ARHGAP42: variants seen among roughly 807,000 people sequenced by gnomAD.
ARHGAP42 encodes Rho GTPase activating protein 42, also known as rho GTPase-activating protein 42.
In ARHGAP42, 63 loss-of-function variants were observed where a neutral mutation model predicts 125.0. The ratio of observed to expected loss-of-function variants is 0.50; its 90% CI spans 0.41 to 0.62. The LOEUF (loss-of-function observed/expected upper bound fraction) is 0.62. Among genes scored for constraint, ARHGAP42 ranks in the 20% least tolerant of loss-of-function variants. The probability of loss-of-function intolerance (pLI) is 0.00; values close to 1 mark genes in which losing one functional copy is unlikely to be tolerated. For synonymous variants in ARHGAP42, 339 were observed against 351.0 expected, an observed-to-expected ratio of 0.97 and a Z score of 0.38; for missense variants, 766 against 1,024.2, an observed-to-expected ratio of 0.75 and a Z score of 3.44.
At position 100,726,865 on chromosome 11, in the gene ARHGAP42, A is replaced by G. The variant is rs901750798; in HGVS notation, c.154+39033A>G. On this transcript the variant is annotated intron_variant, in intron 1 of 23. Transcript: ENST00000298815. ...TTCTTTTTGCAATTACATCCATAGC[A>G]GTGGGGCTTCATTTGGCATTCATCT... Among the ~76,000 whole-genome samples the G allele has an allele frequency of 1.9e-4, 29 of 152,200 alleles. 2 individuals are homozygous for G. Among genetic ancestry groups the G allele is most frequent in the African/African-American group, 6.8e-4 (28 of 41,448 alleles).
intron 10 of ARHGAP42, among the ~76,000 whole-genome samples, chr11:100,946,073 A>G (rs973291976): frequency 5.3e-5 from 8 of 151,830 alleles, no homozygotes; most frequent in Non-Finnish European, 1.0e-4. Flanking sequence ...TTCTACATCA[A>G]CTCTTACTGC....
chr11:100,780,494 A>C (rs1038365922), intron 2 of ARHGAP42, among the ~76,000 whole-genome samples: 2 of 152,256 alleles, frequency 1.3e-5, no homozygotes, highest in African/African-American at 4.8e-5. Flanking sequence ...GGATATGGGC[A>C]GAACAGTGAT....
chr11:100,845,393 A>G (rs2135119038), intron 3 of ARHGAP42, among the ~76,000 whole-genome samples: 1 of 152,216 alleles, frequency 6.6e-6, no homozygotes, highest in South Asian at 2.1e-4. Context: ...TACAAACTGG[A>G]TACAGTGTAT....
chr11:100,937,374 G>A (rs1218508741), intron 8 of ARHGAP42, among the ~76,000 whole-genome samples: 2 of 152,020 alleles, frequency 1.3e-5, no homozygotes, highest in African/African-American at 4.8e-5. Context: ...CCCTTGGCTT[G>A]TCAGTAGGGT....
chr11:100,717,862 G>A (rs954499144), intron 1 of ARHGAP42, among the ~76,000 whole-genome samples: 18 of 148,956 alleles, frequency 1.2e-4, no homozygotes, highest in South Asian at 2.2e-4. Flanking sequence ...GGAGGCGGAG[G>A]TTGCAGTGAG....
chr11:100,788,955 T>G (rs973029169), intron 2 of ARHGAP42, among the ~76,000 whole-genome samples: 12 of 152,178 alleles, frequency 7.9e-5, no homozygotes, highest in African/African-American at 2.7e-4. Flanking sequence ...GTCCTTAGAT[T>G]ATTGCATGCT....
chr11:100,864,301 C>T (rs1190715218), intron 4 of ARHGAP42, among the ~76,000 whole-genome samples: 6 of 151,828 alleles, frequency 4.0e-5, no homozygotes, highest in African/African-American at 7.3e-5. Context: ...TCTCCTGCTT[C>T]AGCCTCCCAA....
At chr11:100,827,671 C>T (rs1864556864) in intron 3 of ARHGAP42, among the ~76,000 whole-genome samples, 2 of 152,174 alleles carry the variant, frequency 1.3e-5, no homozygotes, top group South Asian at 2.1e-4. Context: ...GAGGCACTGC[C>T]CACATTGGCA....
At chr11:100,864,269 C>T (rs1865516377) in intron 4 of ARHGAP42, among the ~76,000 whole-genome samples, 1 of 151,788 alleles carries the variant, frequency 6.6e-6, no homozygotes, top group African/African-American at 2.4e-5. Context: ...ACTGCAACCT[C>T]CACCTCCCGG....
intron 2 of ARHGAP42, among the ~76,000 whole-genome samples, chr11:100,783,173 C>T (rs886813076): frequency 7.2e-5 from 11 of 152,186 alleles, no homozygotes; most frequent in Admixed American, 2.6e-4. Context: ...TGGTGGCTCA[C>T]GCCTGTAATC....
chr11:100,725,761 C>A (rs924241252), intron 1 of ARHGAP42, among the ~76,000 whole-genome samples: 1 of 151,856 alleles, frequency 6.6e-6, no homozygotes. Flanking sequence ...CACAGTGAAA[C>A]CCCCTCTGTA....
chr11:100,899,619 T>G (rs973319460), intron 4 of ARHGAP42, among the ~76,000 whole-genome samples: 2 of 152,160 alleles, frequency 1.3e-5, no homozygotes, highest in Non-Finnish European at 2.9e-5. Flanking sequence ...TCTCTTTTGA[T>G]CTTGTTGGTT....
intron 4 of ARHGAP42, among the ~76,000 whole-genome samples, chr11:100,906,805 C>T (rs2135221138): frequency 6.6e-6 from 1 of 151,986 alleles, no homozygotes; most frequent in Non-Finnish European, 1.5e-5. Flanking sequence ...ATTTTTCTAC[C>T]CAGAACTGTG....
chr11:100,775,934 C>T (rs185848883), intron 2 of ARHGAP42, among the ~76,000 whole-genome samples: 486 of 151,914 alleles, frequency 3.2e-3, no homozygotes, highest in South Asian at 5.4e-3. Flanking sequence ...CTGAGGCGGG[C>T]GGATCACCTG....
At chr11:100,979,521 G>T (rs1336923312) in intron 22 of ARHGAP42, among the ~76,000 whole-genome samples, 2 of 152,108 alleles carry the variant, frequency 1.3e-5, no homozygotes, top group Non-Finnish European at 2.9e-5. Flanking sequence ...GGGGTTCTCA[G>T]ATTTTACATT....
At chr11:100,913,705 C>G (rs967009491) in intron 5 of ARHGAP42, among the ~76,000 whole-genome samples, 152 bp downstream of exon 5, 2 of 152,174 alleles carry the variant, frequency 1.3e-5, no homozygotes, top group African/African-American at 2.4e-5. Flanking sequence ...ATGGGCGATA[C>G]TTTAAACACA....
intron 3 of ARHGAP42, among the ~76,000 whole-genome samples, chr11:100,817,487 CTT>C (rs1864295273): frequency 6.6e-6 from 1 of 152,110 alleles, no homozygotes; most frequent in Non-Finnish European, 1.5e-5. Flanking sequence ...AACCTTGTCT[CTT>C]TATGTGTAAG....
chr11:100,724,763 G>T (rs1325469556), intron 1 of ARHGAP42, among the ~76,000 whole-genome samples: 2 of 150,970 alleles, frequency 1.3e-5, no homozygotes, highest in African/African-American at 4.9e-5. Context: ...CCAGCTTTTG[G>T]TTTCATTGAT....
chr11:100,861,368 T>C (rs1292530278), intron 4 of ARHGAP42, among the ~76,000 whole-genome samples: 1 of 152,144 alleles, frequency 6.6e-6, no homozygotes, highest in Non-Finnish European at 1.5e-5. Context: ...TCACAGTATT[T>C]TACTCCCTAG....
Sources: allele counts gnomAD v4.1 joint callset (sites outside exome capture counted in the v4.1 genomes callset), GRCh38; gene constraint gnomAD v4.1.1; transcripts MANE v1.5; gene names NCBI Gene and HGNC (gene_info 2026-07-23, HGNC 2026-07-21).